Variants in ATP2B4 observed in about 807,000 individuals in gnomAD.
ATP2B4 encodes plasma membrane calcium-transporting ATPase 4.
Under a neutral mutation model 110.3 loss-of-function variants are expected in ATP2B4, and 39 were observed. The observed-to-expected ratio is 0.35, with a 90% CI of 0.27 to 0.46. The LOEUF is 0.46. ATP2B4 is among the 20% of genes least tolerant of loss of function. ATP2B4 has a pLI of 1.00. For synonymous variants in ATP2B4, 538 were observed against 571.7 expected, an observed-to-expected ratio of 0.94 and a Z score of 0.84; for missense variants, 1,135 against 1,530.9, an observed-to-expected ratio of 0.74 and a Z score of 4.32.
intron 1 of ATP2B4, among the ~76,000 whole-genome samples, chr1:203,631,457 C>A (rs573341467): frequency 1.3e-5 from 2 of 152,166 alleles, no homozygotes; most frequent in African/African-American, 4.8e-5. Flanking sequence ...TGGAGCAGTG[C>A]GTTTATTGGT....
chr1:203,723,485 T>TC lies in ATP2B4; in HGVS notation c.3025-396_3025-395insC, dbSNP rs1491535522. ...CCCTCTGCCTCTCTCTCTCTCTCTC[T>TC]TTTCCCCCCTCCCCCAGGGGGAGTG... On this transcript the variant is annotated intron_variant, in intron 18 of 20. Transcript: ENST00000357681. 1.1e-3 allele frequency among the ~76,000 whole-genome samples: 158 copies of TC among 142,456 alleles called. 4 individuals are homozygous for TC. The highest frequency in any genetic ancestry group is 4.1e-3 in the African/African-American group (151 of 36,896). The allele number at this position is 142,456 out of a possible 152,430, so 93.5% of individuals were successfully genotyped here.
chr1:203,660,598 G>A lies in ATP2B4; in HGVS notation c.-464-22144G>A, dbSNP rs986865374. On this transcript the variant is annotated intron_variant, in intron 1 of 20. Coordinates refer to ENST00000357681, the MANE Select transcript of ATP2B4 (RefSeq NM_001684.5). ...GGGCAGATCGTGAGGTCAAGAGATCGAGACCAGCCTGGCCAACATGGTGAA... is the reference window on the plus strand; with the variant it reads ...GGGCAGATCGTGAGGTCAAGAGATCAAGACCAGCCTGGCCAACATGGTGAA... Among the ~76,000 whole-genome samples the A allele has an allele frequency of 3.3e-5, 5 of 151,770 alleles. No homozygotes were observed. The East Asian group carries it at 7.8e-4, about 24-fold the overall frequency.
At chr1:203,729,707 C>A (rs777591410) in intron 20 of ATP2B4, 17 of 1,344,052 alleles carry the variant, frequency 1.3e-5, no homozygotes, top group Non-Finnish European at 1.7e-5. Flanking sequence ...GACACAGGTG[C>A]TTCCTGGGGA....
chr1:203,727,365 C>T lies in ATP2B4; in HGVS notation c.3133-30C>T, dbSNP rs16852224. On this transcript the variant is annotated intron_variant, in intron 19 of 20. Transcript: ENST00000357681. Reference sequence around the variant, plus strand: ...ACAGCTCTTCTCACGCTGATTCTGACGTCTTCCTCTTCGCTGCGCTTGTTT... The same window carrying T: ...ACAGCTCTTCTCACGCTGATTCTGATGTCTTCCTCTTCGCTGCGCTTGTTT... The T allele has an allele frequency of 2.7e-3, 4,336 of 1,610,898 alleles. 87 individuals carry two copies. The African/African-American group carries it at 0.047, about 17-fold the overall frequency.
At chr1:203,726,777 CT>C (rs748418509) in intron 19 of ATP2B4, among the ~76,000 whole-genome samples, 4 of 152,174 alleles carry the variant, frequency 2.6e-5, no homozygotes. Context: ...CTATGTACTG[CT>C]CCTTGTCTTC....
chr1:203,730,880 G>C (rs1358905123), intron 20 of ATP2B4, among the ~76,000 whole-genome samples: 2 of 152,214 alleles, frequency 1.3e-5, no homozygotes, highest in African/African-American at 2.4e-5. Context: ...AGCTGATGAG[G>C]CTAATGATGC....
At chr1:203,654,798 G>A (rs1019404423) in intron 1 of ATP2B4, among the ~76,000 whole-genome samples, 1 of 151,724 alleles carries the variant, frequency 6.6e-6, no homozygotes, top group Non-Finnish European at 1.5e-5. Context: ...GAAGTGAGAG[G>A]ATCGTTTGGG....
At chr1:203,663,165 TG>T (rs1664399756) in intron 1 of ATP2B4, among the ~76,000 whole-genome samples, 1 of 152,256 alleles carries the variant, frequency 6.6e-6, no homozygotes, top group Admixed American at 6.5e-5. Flanking sequence ...TGTCAGTCTT[TG>T]TCCTTCCTGG....
Position 203,630,086 on chromosome 1 carries a change from G to C in ATP2B4, c.-465+2867G>C, listed in dbSNP as rs1355509621. On this transcript the variant is annotated intron_variant, in intron 1 of 20. Transcript: ENST00000357681. ...TTGTCAGAAGAAAATCAAAATGAGA[G>C]GGCCCAGTTAGGGGCAGAAGGAGAG... 2.6e-5 allele frequency among the ~76,000 whole-genome samples: 4 copies of C among 152,180 alleles called. No individual in the cohort carries two copies. In the East Asian group the frequency reaches 7.7e-4, roughly 29 times the overall value.
chr1:203,732,060 C>A (rs1666739180), intron 20 of ATP2B4, among the ~76,000 whole-genome samples: 1 of 150,660 alleles, frequency 6.6e-6, no homozygotes. Flanking sequence ...GCCTGTAGTC[C>A]CAGCTACTCA....
chr1:203,674,119 T>A (rs1028525167), intron 1 of ATP2B4, among the ~76,000 whole-genome samples: 22 of 152,330 alleles, frequency 1.4e-4, no homozygotes, highest in Admixed American at 3.3e-4. Context: ...AGAAGCTTCC[T>A]GCCGCAGCTC....
chr1:203,672,022 TG>T, intron 1 of ATP2B4, among the ~76,000 whole-genome samples: 1 of 151,744 alleles, frequency 6.6e-6, no homozygotes, highest in East Asian at 1.9e-4. Context: ...TGGTGGGGGC[TG>T]GGGGGAGGGA....
intron 15 of ATP2B4, among the ~76,000 whole-genome samples, chr1:203,717,269 GT>G (rs1354332922): frequency 6.6e-6 from 1 of 151,838 alleles, no homozygotes; most frequent in African/African-American, 2.4e-5. Flanking sequence ...TGAAAGGTAG[GT>G]TTTTGGTTTG....
At chr1:203,719,486 G>C (rs543577149) in intron 15 of ATP2B4, among the ~76,000 whole-genome samples, 7 of 152,106 alleles carry the variant, frequency 4.6e-5, no homozygotes, top group South Asian at 2.1e-4. Context: ...AAGGCAGGTG[G>C]ATCACCTGAG....
At chr1:203,689,800 C>T (rs1305396460) in intron 2 of ATP2B4, among the ~76,000 whole-genome samples, 2 of 152,198 alleles carry the variant, frequency 1.3e-5, no homozygotes, top group East Asian at 3.9e-4. Context: ...TGCCATAGGG[C>T]TTCGATGAGG....
rs1194962656 is a variant in ATP2B4 at position 203,720,709 on chromosome 1, T to C, written c.2567T>C (p.Ile856Thr). 2.5e-5 allele frequency: 41 copies of C among 1,613,438 alleles called. No individual in the cohort carries two copies. Among genetic ancestry groups the C allele is most frequent in the Admixed American group, 3.3e-5 (2 of 59,992 alleles). ...CTCACTGTCAATGTGGTGGCCGTGATTGTAGCCTTCACTGGAGCCTGTATC... is the reference window on the plus strand; with the variant it reads ...CTCACTGTCAATGTGGTGGCCGTGACTGTAGCCTTCACTGGAGCCTGTATC... Reference protein sequence around the residue: ...FQLTVNVVAVIVAFTGACITQ... With the variant: ...FQLTVNVVAVTVAFTGACITQ... Residue 856 changes from isoleucine to threonine, a missense_variant, in exon 16 of 21, where the codon ATT becomes ACT. By Grantham distance (89) the Ile-to-Thr change is moderately conservative. Coordinates refer to ENST00000357681, the MANE Select transcript of ATP2B4 (RefSeq NM_001684.5).
Position 203,708,074 on chromosome 1 carries a change from T to C in ATP2B4, c.1527T>C (p.Ser509=), listed in dbSNP as rs1259860491. ...KVLDLIVNGI[S]INSAYTSKIL... is the part of the protein sequence containing the mutation. ...TGGACCTCATTGTCAATGGCATTTC[T>C]ATCAACAGTGCTTATACCTCCAAGA... Residue 509 remains serine (S), a synonymous_variant, in exon 10 of 21, where the codon TCT becomes TCC. Transcript: ENST00000357681. 3 of 1,614,114 alleles carry C rather than the reference T, an allele frequency of 1.9e-6. No individual in the cohort carries two copies. Among genetic ancestry groups the C allele is most frequent in the African/African-American group, 2.7e-5 (2 of 74,954 alleles).
At chr1:203,715,438 A>T (rs1054273372) in intron 15 of ATP2B4, among the ~76,000 whole-genome samples, 4 of 142,670 alleles carry the variant, frequency 2.8e-5, no homozygotes, top group African/African-American at 7.7e-5. Flanking sequence ...CTGTAATCCT[A>T]GCTACTCCGG....
At chr1:203,697,693 G>C (rs906511653) in intron 2 of ATP2B4, among the ~76,000 whole-genome samples, 3 of 152,082 alleles carry the variant, frequency 2.0e-5, no homozygotes, top group Non-Finnish European at 2.9e-5. Flanking sequence ...AGGAAGGAAA[G>C]GGTCTTTTTT....
Sources: allele counts gnomAD v4.1 joint callset (sites outside exome capture counted in the v4.1 genomes callset), GRCh38; gene constraint gnomAD v4.1.1; transcripts MANE v1.5; gene names NCBI Gene and HGNC (gene_info 2026-07-23, HGNC 2026-07-21).